CELF5: variants seen among roughly 807,000 people sequenced by gnomAD.
CELF5 encodes the protein CUGBP Elav-like family member 5.
In CELF5, 6 loss-of-function variants were observed where a neutral mutation model predicts 54.9. The observed-to-expected ratio is 0.11, with a 90% confidence interval of 0.06 to 0.22. CELF5 has a LOEUF of 0.22. Among genes scored for constraint, CELF5 ranks in the 10% least tolerant of loss-of-function variants. The probability of loss-of-function intolerance (pLI) is 1.00; values close to 1 mark genes in which losing one functional copy is unlikely to be tolerated. For synonymous variants in CELF5, 271 were observed against 290.9 expected, an observed-to-expected ratio of 0.93 and a Z score of 0.70; for missense variants, 401 against 678.6, an observed-to-expected ratio of 0.59 and a Z score of 4.54.
chr19:3,257,966 ATT>A (rs539724536), intron 2 of CELF5, among the ~76,000 whole-genome samples: 3 of 144,430 alleles, frequency 2.1e-5, no homozygotes, highest in Admixed American at 7.0e-5. Flanking sequence ...TACCTGGCTG[ATT>A]TTTTTTTTTT....
chr19:3,280,388 T>G (rs1197699393), intron 5 of CELF5, among the ~76,000 whole-genome samples: 1 of 151,230 alleles, frequency 6.6e-6, no homozygotes, highest in East Asian at 1.9e-4. Flanking sequence ...CTGGCCAACA[T>G]AGTGAAACCC....
rs1917166549 is a variant in CELF5 at position 3,229,840 on chromosome 19, AG to A, written c.259+4845del. Among the ~76,000 whole-genome samples, 3 of 152,324 alleles carry A rather than the reference AG, an allele frequency of 2.0e-5. No individual in the cohort carries two copies. In the South Asian group the frequency reaches 6.2e-4, roughly 32 times the overall value. ...GAGGGCCCAGAGGGGCGCTAACTCC[AG>A]GGAAGCTCAGGTGCAGGGAGGATGG... is the stretch of plus-strand genomic sequence containing the variant. On this transcript the variant is annotated intron_variant, in intron 1 of 12. Transcript: ENST00000292672.
intron 2 of CELF5, among the ~76,000 whole-genome samples, chr19:3,257,879 T>C (rs570347746): frequency 4.0e-5 from 6 of 151,748 alleles, no homozygotes; most frequent in Non-Finnish European, 8.8e-5. Flanking sequence ...AATGCAGTGG[T>C]GCGATCATAG....
At chr19:3,253,460 T>G (rs189227417) in intron 2 of CELF5, among the ~76,000 whole-genome samples, 1 of 152,284 alleles carries the variant, frequency 6.6e-6, no homozygotes, top group Admixed American at 6.5e-5. Context: ...CCACGTGGGC[T>G]TCTCCACAGT....
chr19:3,290,934 T>C (rs8102527), intron 11 of CELF5, among the ~76,000 whole-genome samples: 82,625 of 150,424 alleles, frequency 0.55, 23,934 homozygotes, highest in Middle Eastern at 0.7. Flanking sequence ...CCAGCCTGGG[T>C]AACATAATGA....
chr19:3,237,554 G>T (rs1410721326), intron 1 of CELF5, among the ~76,000 whole-genome samples: 1 of 152,074 alleles, frequency 6.6e-6, no homozygotes, highest in African/African-American at 2.4e-5. Context: ...GGCGCGGGTG[G>T]GAGTGTCTCT....
At chr19:3,255,164 G>A (rs1364030304) in intron 2 of CELF5, among the ~76,000 whole-genome samples, 2 of 151,888 alleles carry the variant, frequency 1.3e-5, no homozygotes, top group African/African-American at 2.4e-5. Context: ...AGACCCAATG[G>A]GGCTCAAACT....
intron 2 of CELF5, among the ~76,000 whole-genome samples, chr19:3,263,119 C>T (rs947643175): frequency 6.7e-5 from 10 of 149,474 alleles, no homozygotes; most frequent in East Asian, 3.9e-4. Context: ...TGGTGGCAGG[C>T]GCCTATAATC....
chr19:3,293,771 G>A (rs959166161), intron 12 of CELF5: 1 of 267,222 alleles, frequency 3.7e-6, no homozygotes, highest in African/African-American at 2.2e-5. Flanking sequence ...TTTGAGGGCT[G>A]AATAGAAGTT....
intron 1 of CELF5, among the ~76,000 whole-genome samples, chr19:3,245,914 T>G (rs577920666): frequency 6.6e-6 from 1 of 152,140 alleles, no homozygotes; most frequent in Non-Finnish European, 1.5e-5. Context: ...ATTTAAAAGG[T>G]TGGCAAAAAC....
At chr19:3,263,016 T>A (rs2079826908) in intron 2 of CELF5, among the ~76,000 whole-genome samples, 1 of 151,376 alleles carries the variant, frequency 6.6e-6, no homozygotes, top group Non-Finnish European at 1.5e-5. Context: ...GAGACCGAGG[T>A]GGGCAGATCA....
intron 2 of CELF5, among the ~76,000 whole-genome samples, chr19:3,262,211 T>C (rs1411094348): frequency 1.3e-5 from 2 of 152,182 alleles, no homozygotes; most frequent in South Asian, 2.1e-4. Context: ...GTATTTTTAA[T>C]AGAGATGGCA....
At chr19:3,283,023 G>T (rs1410293045) in intron 8 of CELF5, among the ~76,000 whole-genome samples, 1 of 152,100 alleles carries the variant, frequency 6.6e-6, no homozygotes, top group Non-Finnish European at 1.5e-5. Flanking sequence ...TAGAGATGGG[G>T]TTTCACCATG....
rs191051124 is a variant in CELF5, at chr19:3,264,474, A to G, written c.343-9398A>G. Among the ~76,000 whole-genome samples, 569 of 150,572 alleles carry G rather than the reference A, an allele frequency of 3.8e-3. 6 individuals are homozygous for G. Among genetic ancestry groups the G allele is most frequent in the African/African-American group, 0.013 (540 of 40,860 alleles). On this transcript the variant is annotated intron_variant, in intron 2 of 12. Coordinates refer to ENST00000292672, the MANE Select transcript of CELF5 (RefSeq NM_021938.4). Reference sequence around the variant, plus strand: ...TGTGTCACCCAGGCTGGAGTGCAGTAGCGCAATCTCGGCTCACTGCAAGCT... The same window carrying G: ...TGTGTCACCCAGGCTGGAGTGCAGTGGCGCAATCTCGGCTCACTGCAAGCT...
chr19:3,292,010 G>T (rs896579302), intron 11 of CELF5, among the ~76,000 whole-genome samples: 6 of 152,080 alleles, frequency 3.9e-5, no homozygotes, highest in Non-Finnish European at 8.8e-5. Context: ...GCAATTGCAC[G>T]ATCTCAGCTC....
chr19:3,267,237 C>T (rs2079895940), intron 2 of CELF5, among the ~76,000 whole-genome samples: 1 of 152,002 alleles, frequency 6.6e-6, no homozygotes, highest in South Asian at 2.1e-4. Context: ...GGGGAGCCCC[C>T]CCCACCAACC....
chr19:3,237,814 C>A (rs1243326635), intron 1 of CELF5, among the ~76,000 whole-genome samples: 2 of 152,078 alleles, frequency 1.3e-5, no homozygotes, highest in African/African-American at 4.8e-5. Flanking sequence ...CTTTGGGAGG[C>A]CGAGGCGGGT....
Position 3,264,712 on chromosome 19 carries a change from G to A in CELF5, c.343-9160G>A, listed in dbSNP as rs2079857490. Among the ~76,000 whole-genome samples, 8 of 135,198 alleles carry A rather than the reference G, an allele frequency of 5.9e-5. No homozygotes were observed. The South Asian group carries it at 1.6e-3, about 27-fold the overall frequency. The allele number at this position is 135,198 out of a possible 152,430, so 88.7% of individuals were successfully genotyped here. On this transcript the variant is annotated intron_variant, in intron 2 of 12. Transcript: ENST00000292672. ...ATTACAGGCGTGAGCCACCACACCCGGCCTTTTTTTTTTTTCTTTTTTGAG... is the reference window on the plus strand; with the variant it reads ...ATTACAGGCGTGAGCCACCACACCCAGCCTTTTTTTTTTTTCTTTTTTGAG...
chr19:3,252,124 C>G (rs1307275589), intron 2 of CELF5, among the ~76,000 whole-genome samples: 1 of 152,056 alleles, frequency 6.6e-6, no homozygotes, highest in Non-Finnish European at 1.5e-5. Context: ...GCAGCCTCCA[C>G]CTCCTGGGGT....
Sources: allele counts gnomAD v4.1 joint callset (sites outside exome capture counted in the v4.1 genomes callset), GRCh38; gene constraint gnomAD v4.1.1; transcripts MANE v1.5; gene names NCBI Gene and HGNC (gene_info 2026-07-23, HGNC 2026-07-21).